Variants in EXOC5 observed in about 807,000 individuals in gnomAD.
EXOC5 encodes SEC10-like 1.
EXOC5 carries 17 observed loss-of-function variants against 90.8 expected under a neutral mutation model. The observed-to-expected ratio is 0.19, with a 90% CI of 0.13 to 0.28. EXOC5 has a LOEUF of 0.28. EXOC5 is among the 10% of genes least tolerant of loss of function. The probability of loss-of-function intolerance (pLI) is 1.00; values close to 1 mark genes in which losing one functional copy is unlikely to be tolerated. For missense variants in EXOC5, 569 were observed against 830.6 expected (o/e 0.69, Z 3.87); for synonymous variants, 260 against 270.0 (o/e 0.96, Z 0.36).
Position 57,235,705 on chromosome 14 carries a change from A to G in EXOC5, c.669+6T>C, listed in dbSNP as rs367613577. ...ACACTATTCATTTTTAATTCCTACT[A>G]TTTACCTTAAAATGAAGTAAAACTG... On this transcript the variant is annotated splice_donor_region_variant and intron_variant, in intron 7 of 17. Coordinates refer to ENST00000621441, the MANE Select transcript of EXOC5 (RefSeq NM_006544.4). 4.1e-5 allele frequency: 58 copies of G among 1,406,348 alleles called. No individual in the cohort carries two copies. In the Admixed American group the frequency reaches 5.5e-4, roughly 13 times the overall value. 87.1% of individuals were successfully genotyped at this position (1,406,348 alleles called of 1,614,324 possible).
intron 7 of EXOC5, among the ~76,000 whole-genome samples, chr14:57,234,993 C>T (rs746002156): frequency 3.7e-4 from 56 of 152,200 alleles, no homozygotes; most frequent in Admixed American, 6.5e-4. Flanking sequence ...TGTCATTAAG[C>T]TCACCATAAT....
intron 10 of EXOC5, chr14:57,232,178 C>T (rs78786949): frequency 0.015 from 2,294 of 153,906 alleles, 41 homozygotes; most frequent in Middle Eastern, 0.027. Flanking sequence ...TTCCTCATTA[C>T]GGTAACTTTG....
chr14:57,235,603 ACT>A (rs1365073050), intron 7 of EXOC5, 106 bp downstream of exon 7: 2 of 577,718 alleles, frequency 3.5e-6, no homozygotes, highest in Admixed American at 2.8e-5. Context: ...GAAAATTATC[ACT>A]GTGATAGTTA....
chr14:57,216,957 A>G (rs1882993363), intron 15 of EXOC5, among the ~76,000 whole-genome samples: 1 of 152,214 alleles, frequency 6.6e-6, no homozygotes. Flanking sequence ...GATTAAAGGC[A>G]AAGAACCTGA....
In EXOC5 at chr14:57,225,955, T is replaced by C. The variant is rs746293052; in HGVS notation, c.1297-3539A>G. Among the ~76,000 whole-genome samples, 82 of 152,330 alleles carry C rather than the reference T, an allele frequency of 5.4e-4. 1 individual carries two copies. Among genetic ancestry groups the C allele is most frequent in the Non-Finnish European group, 1.1e-3 (74 of 68,014 alleles). On this transcript the variant is annotated intron_variant, in intron 12 of 17. Transcript: ENST00000621441. ...TCTTTGACCACCCTTTCACTGAATA[T>C]ACAATTTGCATGTCAGAGGTGGGTA...
intron 12 of EXOC5, among the ~76,000 whole-genome samples, chr14:57,229,067 A>C (rs1883399958): frequency 6.6e-6 from 1 of 152,100 alleles, no homozygotes; most frequent in African/African-American, 2.4e-5. Flanking sequence ...TTTGATGTTG[A>C]TGCTCTTAAA....
At chr14:57,226,584 C>G (rs1246387301) in intron 12 of EXOC5, among the ~76,000 whole-genome samples, 1 of 152,044 alleles carries the variant, frequency 6.6e-6, no homozygotes, top group African/African-American at 2.4e-5. Context: ...ACTTACACTA[C>G]CCGATTCAAG....
At chr14:57,226,659 A>G (rs1323038574) in intron 12 of EXOC5, among the ~76,000 whole-genome samples, 1 of 152,222 alleles carries the variant, frequency 6.6e-6, no homozygotes. Flanking sequence ...CCAATGGAAC[A>G]CAAGAGTCCA....
intron 15 of EXOC5, among the ~76,000 whole-genome samples, chr14:57,212,716 A>T (rs1342411421): frequency 2.0e-5 from 3 of 152,208 alleles, no homozygotes; most frequent in African/African-American, 7.2e-5. Context: ...ATGCTTTATC[A>T]CAACAAACCT....
At chr14:57,219,516 T>C (rs981606900) in intron 13 of EXOC5, 74 bp from the exon 14 acceptor site, 5 of 1,216,248 alleles carry the variant, frequency 4.1e-6, no homozygotes, top group Admixed American at 3.2e-5. Flanking sequence ...AAAAAGAATG[T>C]GGTTTTTTAA....
In EXOC5 at chr14:57,201,913, A is replaced by G. The variant is rs1882520436; in HGVS notation, c.*6696T>C. The G allele has an allele frequency of 6.6e-6, 1 of 151,996 alleles. No homozygotes were observed. Among genetic ancestry groups the G allele is most frequent in the Non-Finnish European group, 1.5e-5 (1 of 67,992 alleles). 9.4% of individuals were successfully genotyped at this position (151,996 alleles called of 1,614,324 possible). A position where few individuals can be genotyped will look rare whatever the true frequency, so the allele number is the denominator to read the frequency against. On this transcript the variant is annotated 3_prime_UTR_variant, in exon 18 of 18. Coordinates refer to ENST00000621441, the MANE Select transcript of EXOC5 (RefSeq NM_006544.4). ...ATAAATAAATAAGGGGGACCTATAT[A>G]TGTCTGTATCTATTAATATATATCT...
rs1003965209 is a variant in EXOC5 at position 57,201,310 on chromosome 14, C to T, written c.*7299G>A. On this transcript the variant is annotated 3_prime_UTR_variant, in exon 18 of 18. Transcript: ENST00000621441. ...CGACACAGGAGACAACCTGAAGAGG[C>T]TACTTCTGACCAAATTTGGGATAAT... 2 of 151,550 alleles carry T rather than the reference C, an allele frequency of 1.3e-5. No homozygotes were observed. Among genetic ancestry groups the T allele is most frequent in the African/African-American group, 4.8e-5 (2 of 41,260 alleles). The allele number at this position is 151,550 out of a possible 1,614,324, so 9.4% of individuals were successfully genotyped here.
At chr14:57,208,838 A>G (rs1396890291) in intron 17 of EXOC5, 41 bp from the exon 18 acceptor site, 5 of 1,366,104 alleles carry the variant, frequency 3.7e-6, no homozygotes, top group Non-Finnish European at 5.1e-6. Context: ...GAAACAAAAC[A>G]ATTTCCAGTT....
intron 4 of EXOC5, among the ~76,000 whole-genome samples, chr14:57,241,903 G>A (rs1883871490): frequency 1.3e-5 from 2 of 152,074 alleles, no homozygotes; most frequent in Non-Finnish European, 2.9e-5. Flanking sequence ...GGAGGCCGAG[G>A]TGGGCGGATC....
rs763731022 is a variant in EXOC5 at position 57,239,760 on chromosome 14, C to T, written c.466-101G>A. On this transcript the variant is annotated intron_variant, in intron 4 of 17. Coordinates refer to ENST00000621441, the MANE Select transcript of EXOC5 (RefSeq NM_006544.4). ...AGTAATATCTCCCTGCATGTGCCCACAGTCCCTTCCCTAAAAAAATTTCCT... is the reference window on the plus strand; with the variant it reads ...AGTAATATCTCCCTGCATGTGCCCATAGTCCCTTCCCTAAAAAAATTTCCT... 10 of 646,992 alleles carry T rather than the reference C, an allele frequency of 1.5e-5. No individual in the cohort carries two copies. The African/African-American group carries it at 1.7e-4, about 11-fold the overall frequency. The allele number at this position is 646,992 out of a possible 1,614,324, so 40.1% of individuals were successfully genotyped here. A position where few individuals can be genotyped will look rare whatever the true frequency, so the allele number is the denominator to read the frequency against.
intron 14 of EXOC5, among the ~76,000 whole-genome samples, chr14:57,218,761 G>A (rs936214739): frequency 6.6e-6 from 1 of 152,024 alleles, no homozygotes; most frequent in African/African-American, 2.4e-5. Context: ...TTTTATATGA[G>A]TATTTTTCCT....
intron 12 of EXOC5, among the ~76,000 whole-genome samples, chr14:57,225,657 G>C (rs186014284): frequency 2.8e-4 from 43 of 151,134 alleles, no homozygotes; most frequent in Admixed American, 2.6e-3. Flanking sequence ...GAACCCAAAA[G>C]TATCTGAGAC....
At chr14:57,248,893 A>C (rs2139656520) in intron 1 of EXOC5, among the ~76,000 whole-genome samples, 1 of 152,266 alleles carries the variant, frequency 6.6e-6, no homozygotes, top group South Asian at 2.1e-4. Context: ...ATCAGCCTCT[A>C]GTCTGCCTCA....
intron 15 of EXOC5, among the ~76,000 whole-genome samples, chr14:57,211,149 A>G (rs1049022689): frequency 6.6e-6 from 1 of 152,174 alleles, no homozygotes; most frequent in Admixed American, 6.6e-5. Flanking sequence ...TGTACCTTTA[A>G]TAAGTCCATT....
Sources: allele counts gnomAD v4.1 joint callset (sites outside exome capture counted in the v4.1 genomes callset), GRCh38; gene constraint gnomAD v4.1.1; transcripts MANE v1.5; gene names NCBI Gene and HGNC (gene_info 2026-07-23, HGNC 2026-07-21).